N4BP2: variants seen among roughly 807,000 people sequenced by gnomAD.
N4BP2 encodes NEDD4 binding protein 2, also known as NEDD4-binding protein 2.
Under a neutral mutation model 152.8 loss-of-function variants are expected in N4BP2, and 91 were observed. The ratio of observed to expected loss-of-function variants is 0.60; its 90% CI spans 0.50 to 0.71. The LOEUF is 0.71. Among genes scored for constraint, N4BP2 ranks in the 30% least tolerant of loss-of-function variants. The pLI, the probability that N4BP2 is intolerant of heterozygous loss-of-function variation, is 0.00. For synonymous variants in N4BP2, 646 were observed against 705.3 expected (o/e 0.92, Z 1.33); for missense variants, 1,923 against 2,059.1 (o/e 0.93, Z 1.28).
the N4BP2 span, chr4:40,167,180 T>C: frequency 2.0e-5 from 3 of 152,214 alleles, no homozygotes; most frequent in Admixed American, 2.0e-4. Flanking sequence ...AACTCTTAAA[T>C]TGATACAACT....
At chr4:40,165,444 T>C in the N4BP2 span, among the ~76,000 whole-genome samples, 1 of 152,260 alleles carries the variant, frequency 6.6e-6, no homozygotes, top group South Asian at 2.1e-4. Flanking sequence ...AGATGGGGTT[T>C]TGCCATGTTG....
chr4:40,094,967 A>G (rs1714974013), intron 2 of N4BP2, among the ~76,000 whole-genome samples: 1 of 152,062 alleles, frequency 6.6e-6, no homozygotes, highest in Non-Finnish European at 1.5e-5. Context: ...TAGTAGAGAC[A>G]GAATTTTGCC....
At chr4:40,144,887 A>G (rs1393872015) in intron 16 of N4BP2, 87 bp downstream of exon 16, 11 of 1,004,250 alleles carry the variant, frequency 1.1e-5, no homozygotes, top group Non-Finnish European at 1.6e-5. Flanking sequence ...GAGTCTGAAT[A>G]TGCAGGCTGA....
At chr4:40,153,165 G>T (rs1038948214) in intron 17 of N4BP2, among the ~76,000 whole-genome samples, 1 of 152,126 alleles carries the variant, frequency 6.6e-6, no homozygotes, top group Admixed American at 6.5e-5. Context: ...CAGAAATAAG[G>T]AAAAATGTGT....
the N4BP2 span, among the ~76,000 whole-genome samples, chr4:40,187,331 G>A: frequency 6.6e-6 from 1 of 151,714 alleles, no homozygotes; most frequent in East Asian, 1.9e-4. Context: ...CCAAAAATCT[G>A]TACACATTCT....
chr4:40,074,451 C>T lies in N4BP2; in HGVS notation c.-115+900C>T, dbSNP rs1179913748. ...CTCAAACTCCTTGGCTCAAGTGATC[C>T]GCCTGCCTCGGCCTCCCAAAGTGCT... On this transcript the variant is annotated intron_variant, in intron 2 of 17. Transcript: ENST00000261435. Among the ~76,000 whole-genome samples, 5 of 151,978 alleles carry T rather than the reference C, an allele frequency of 3.3e-5. No homozygotes were observed. In the East Asian group the frequency reaches 5.9e-4, roughly 18 times the overall value.
chr4:40,187,257 C>T, the N4BP2 span, among the ~76,000 whole-genome samples: 61 of 152,136 alleles, frequency 4.0e-4, no homozygotes, highest in South Asian at 3.5e-3. Context: ...ATTTTCTTGA[C>T]CATTTTTAAT....
the N4BP2 span, among the ~76,000 whole-genome samples, chr4:40,174,757 G>A: frequency 1.4e-4 from 22 of 152,106 alleles, no homozygotes; most frequent in Admixed American, 3.9e-4. Flanking sequence ...AGCCGAGATC[G>A]CGCCACTGCA....
intron 3 of N4BP2, among the ~76,000 whole-genome samples, chr4:40,099,117 C>G (rs1470565668): frequency 1.3e-5 from 2 of 152,034 alleles, no homozygotes; most frequent in Non-Finnish European, 2.9e-5. Flanking sequence ...GTAAGAACTG[C>G]TTTGGCTCTT....
chr4:40,153,623 AT>A (rs1365275548), intron 17 of N4BP2, among the ~76,000 whole-genome samples: 2 of 152,186 alleles, frequency 1.3e-5, no homozygotes, highest in African/African-American at 2.4e-5. Flanking sequence ...TAGCATATTT[AT>A]TTTATGCCAT....
chr4:40,113,843 CTG>C (rs1717118496), intron 7 of N4BP2, among the ~76,000 whole-genome samples: 1 of 152,162 alleles, frequency 6.6e-6, no homozygotes, highest in Non-Finnish European at 1.5e-5. Flanking sequence ...CCTCCTGCCT[CTG>C]CCTCCCAAAG....
Position 40,157,217 on chromosome 4 carries a change from T to C in N4BP2, c.*2980T>C, listed in dbSNP as rs934162118. The C allele has an allele frequency of 6.6e-6, 1 of 152,036 alleles. No individual in the cohort carries two copies. Among genetic ancestry groups the C allele is most frequent in the Non-Finnish European group, 1.5e-5 (1 of 67,940 alleles). The allele number at this position is 152,036 out of a possible 1,614,324, so 9.4% of individuals were successfully genotyped here. A position where few individuals can be genotyped will look rare whatever the true frequency, so the allele number is the denominator to read the frequency against. On this transcript the variant is annotated 3_prime_UTR_variant, in exon 18 of 18. Coordinates refer to ENST00000261435, the MANE Select transcript of N4BP2 (RefSeq NM_018177.6). ...TGAGAAATGGAAGTGTTTTTTTTTTTACGTTTATTGGCTCTTCATATTTCT... is the reference window on the plus strand; with the variant it reads ...TGAGAAATGGAAGTGTTTTTTTTTTCACGTTTATTGGCTCTTCATATTTCT...
Position 40,131,863 on chromosome 4 carries a change from T to G in N4BP2, c.4590T>G (p.Phe1530Leu). The change falls in exon 13 of 18, where the codon TTT becomes TTG. Residue 1530 changes from phenylalanine to leucine, a missense_variant. Coordinates refer to ENST00000261435, the MANE Select transcript of N4BP2 (RefSeq NM_018177.6). The stretch of plus-strand genomic sequence containing the variant: ...CTAAACTAAAGGAGAAGCAGCTCTT[T>G]AAGATATTTCCAGCCATTAACCAAA... The part of the protein sequence containing the change: ...CATKLKEKQL[F>L]KIFPAINQNF... 6.2e-7 allele frequency: 1 copy of G among 1,613,726 alleles called. No homozygotes were observed. Among genetic ancestry groups the G allele is most frequent in the Non-Finnish European group, 8.5e-7 (1 of 1,179,788 alleles).
chr4:40,115,117 A>G (rs1487102963), intron 7 of N4BP2, among the ~76,000 whole-genome samples: 1 of 152,112 alleles, frequency 6.6e-6, no homozygotes, highest in Non-Finnish European at 1.5e-5. Flanking sequence ...TTCAAAAATC[A>G]ATTTTGCTTT....
rs377171419 is a variant in N4BP2 at position 40,102,830 on chromosome 4, C to T, written c.985C>T (p.His329Tyr). Residue 329 changes from histidine to tyrosine, a missense_variant, in exon 4 of 18, where the codon CAC (histidine) becomes TAC (tyrosine). His to Tyr is a moderately conservative substitution (Grantham distance 83). Transcript: ENST00000261435. Reference protein sequence around the residue: ...LPSEGFNFKPHKHPELPTKGK... With the variant: ...LPSEGFNFKPYKHPELPTKGK... ...TTCCGAAGGGTTCAACTTCAAGCCA[C>T]ACAAACATCCTGAACTGCCAACTAA... 7.4e-6 allele frequency: 12 copies of T among 1,614,046 alleles called. No homozygotes were observed. The African/African-American group carries it at 1.3e-4, about 18-fold the overall frequency.
chr4:40,133,084 T>C (rs1344391905), intron 13 of N4BP2, among the ~76,000 whole-genome samples: 2 of 152,152 alleles, frequency 1.3e-5, no homozygotes, highest in Non-Finnish European at 2.9e-5. Flanking sequence ...TTGTACCTTC[T>C]CAGAGAGAGA....
At chr4:40,091,971 G>A (rs1365737002) in intron 2 of N4BP2, among the ~76,000 whole-genome samples, 1 of 83,902 alleles carries the variant, frequency 1.2e-5, no homozygotes, top group Non-Finnish European at 2.1e-5. Context: ...GATAGAGCAA[G>A]ACCTTGTGTC....
intron 14 of N4BP2, among the ~76,000 whole-genome samples, chr4:40,139,828 CTTTTTTTTT>C (rs1209677713): frequency 1.0e-5 from 1 of 97,842 alleles, no homozygotes; most frequent in African/African-American, 3.9e-5. Context: ...ATTTTTTTTT[CTTTTTTTTT>C]TTTTTGAGAC....
rs1461226040 is a variant in N4BP2, at chr4:40,131,438, G to A, written c.4528-363G>A. Reference sequence around the variant, plus strand: ...CTTCATTTATTTTTATCCTGTTTATGTGTGTGTATGTATATATATGCCTCT... The same window carrying A: ...CTTCATTTATTTTTATCCTGTTTATATGTGTGTATGTATATATATGCCTCT... On this transcript the variant is annotated intron_variant, in intron 12 of 17. Transcript: ENST00000261435. 2.6e-5 allele frequency among the ~76,000 whole-genome samples: 4 copies of A among 152,094 alleles called. No individual in the cohort carries two copies. In the East Asian group the frequency reaches 7.7e-4, roughly 29 times the overall value.
Sources: allele counts gnomAD v4.1 joint callset (sites outside exome capture counted in the v4.1 genomes callset), GRCh38; gene constraint gnomAD v4.1.1; transcripts MANE v1.5; gene names NCBI Gene and HGNC (gene_info 2026-07-23, HGNC 2026-07-21).